The following MGAM variants were observed in gnomAD, a reference collection of about 807,000 sequenced individuals.
MGAM encodes the protein maltase-glucoamylase, also known as alpha-1,4-glucosidase.
In MGAM, 253 loss-of-function variants were observed where a neutral mutation model predicts 358.8. That is an observed-to-expected ratio of 0.71 (90% confidence interval 0.64 to 0.78). MGAM has a LOEUF of 0.78. MGAM is among the 30% of genes least tolerant of loss of function. The pLI is 0.00. For missense variants in MGAM, 3,080 were observed against 3,432.6 expected (o/e 0.90, Z 2.57); for synonymous variants, 1,105 against 1,227.1 (o/e 0.90, Z 2.08).
Position 142,056,936 on chromosome 7 carries a change from C to A in MGAM, c.3687C>A (p.Tyr1229Ter). 6.2e-7 allele frequency: 1 copy of A among 1,613,668 alleles called. No homozygotes were observed. The highest frequency in any genetic ancestry group is 8.5e-7 in the Non-Finnish European group (1 of 1,179,708). Residue 1229 changes from tyrosine to a stop codon, truncating the protein, a stop_gained, in exon 30 of 71, where the codon TAC (tyrosine) becomes TAA (stop). Transcript: ENST00000475668. LOFTEE classifies it high-confidence loss of function. ...CTCCAGAGCTTGTCACCCAGCAGTA[C>A]ACTGAGGTAGGGGGAAATCCAATTG... ...GPTPELVTQQYTELIGRPVMV... is the reference protein window; with the variant it reads ...GPTPELVTQQ
At chr7:142,030,534 C>T in intron 11 of MGAM, 41 bp downstream of exon 11, 2 of 1,612,156 alleles carry the variant, frequency 1.2e-6, no homozygotes, top group Non-Finnish European at 1.7e-6. Flanking sequence ...GTATTTGCTC[C>T]TCCGTATCAT....
chr7:142,019,252 T>C lies in MGAM; in HGVS notation c.381T>C (p.Val127=), dbSNP rs1563116987. The change falls in exon 4 of 71, where the codon GTT becomes GTC. Residue 127 remains valine (V), a synonymous_variant. Coordinates refer to ENST00000475668, the MANE Select transcript of MGAM (RefSeq NM_001365693.1). ...CCWNPQGAVS[V]PWCYYSKNHS... ...GGAATCCCCAGGGAGCTGTAAGTGT[T>C]CCCTGGTGCTACTATTCCAAGAATC... 1.2e-6 allele frequency: 2 copies of C among 1,613,732 alleles called. No individual in the cohort carries two copies. The highest frequency in any genetic ancestry group is 8.5e-7 in the Non-Finnish European group (1 of 1,179,706).
At chr7:142,054,504 A>C (rs1419386080) in intron 26 of MGAM, among the ~76,000 whole-genome samples, 1 of 152,172 alleles carries the variant, frequency 6.6e-6, no homozygotes, top group Non-Finnish European at 1.5e-5. Flanking sequence ...CACTGATTCC[A>C]GAATGATTTT....
intron 4 of MGAM, 66 bp from the exon 5 acceptor site, chr7:142,020,908 T>A (rs1247987262): frequency 1.3e-5 from 15 of 1,143,748 alleles, no homozygotes; most frequent in Non-Finnish European, 2.0e-5. Flanking sequence ...ATCATAATTT[T>A]TATGTAGCTA....
chr7:142,057,780 C>T (rs1811703944), intron 30 of MGAM, among the ~76,000 whole-genome samples: 1 of 152,242 alleles, frequency 6.6e-6, no homozygotes, highest in East Asian at 1.9e-4. Flanking sequence ...CACATATTAA[C>T]TCATTCATGC....
chr7:142,095,805 T>C (rs1013154944), intron 64 of MGAM, 92 bp downstream of exon 64: 1 of 1,558,018 alleles, frequency 6.4e-7, no homozygotes, highest in African/African-American at 1.4e-5. Context: ...AAGACATGAT[T>C]GCCTTTTGAC....
intron 22 of MGAM, among the ~76,000 whole-genome samples, chr7:142,049,575 A>T (rs1457740179): frequency 1.3e-5 from 2 of 152,198 alleles, no homozygotes; most frequent in Non-Finnish European, 2.9e-5. Flanking sequence ...AATATAAAAA[A>T]ATAAGGAACT....
At chr7:142,044,223 GACATA>G in intron 21 of MGAM, among the ~76,000 whole-genome samples, 1 of 52,510 alleles carries the variant, frequency 1.9e-5, no homozygotes, top group South Asian at 6.7e-4. Context: ...ATACACATAC[GACATA>G]TAATATATAC....
At position 142,084,376 on chromosome 7, in the gene MGAM, C is replaced by T. The variant is rs1221303264; in HGVS notation, c.6382-143C>T. ...AAGCTTTCTCCAAGTATCCTAGTGG[C>T]TCTATATCCTGTCAGTTTTGATGTG... On this transcript the variant is annotated intron_variant, in intron 53 of 70. Coordinates refer to ENST00000475668, the MANE Select transcript of MGAM (RefSeq NM_001365693.1). The T allele has an allele frequency of 3.6e-5, 36 of 1,009,016 alleles. 1 individual carries two copies. Among genetic ancestry groups the T allele is most frequent in the Non-Finnish European group, 4.6e-5 (32 of 691,738 alleles). The allele number at this position is 1,009,016 out of a possible 1,614,324, so 62.5% of individuals were successfully genotyped here. A position where few individuals can be genotyped will look rare whatever the true frequency, so the allele number is the denominator to read the frequency against.
rs922463721 is a variant in MGAM, at chr7:142,092,692, G to A, written c.7033+84G>A. Reference sequence around the variant, plus strand: ...GAGGAGCCCGAGGCCAGGGGTGGCCGCACAGCTCAGGGCACATCCTCATGG... The same window carrying A: ...GAGGAGCCCGAGGCCAGGGGTGGCCACACAGCTCAGGGCACATCCTCATGG... On this transcript the variant is annotated intron_variant, in intron 59 of 70. Transcript: ENST00000475668. 1.4e-5 allele frequency: 17 copies of A among 1,235,314 alleles called. 3 individuals are homozygous for A. The highest frequency in any genetic ancestry group is 2.9e-5 in the African/African-American group (2 of 70,158). 76.5% of individuals were successfully genotyped at this position (1,235,314 alleles called of 1,614,324 possible).
rs781795918 is a variant in MGAM at position 142,008,489 on chromosome 7, G to A, written c.128-17G>A. The stretch of plus-strand genomic sequence containing the variant: ...TAAATTTGTCTAATGGTCTTTTTAT[G>A]TTTGCTTTTGGTATAGCCCCAGATC... On this transcript the variant is annotated splice_polypyrimidine_tract_variant and intron_variant, in intron 2 of 70. Transcript: ENST00000475668. 1.1e-5 allele frequency: 18 copies of A among 1,590,962 alleles called. No individual in the cohort carries two copies. The Middle Eastern group carries it at 1.7e-3, about 152-fold the overall frequency.
chr7:142,088,378 C>T (rs1425448957), intron 57 of MGAM, among the ~76,000 whole-genome samples: 3 of 145,796 alleles, frequency 2.1e-5, no homozygotes, highest in Non-Finnish European at 4.7e-5. Flanking sequence ...GGCTGTTTTC[C>T]TTATGTCTAC....
chr7:142,081,968 C>T, intron 50 of MGAM, 74 bp from the exon 51 acceptor site: 1 of 1,407,332 alleles, frequency 7.1e-7, no homozygotes, highest in Non-Finnish European at 1.0e-6. Flanking sequence ...GTTCTGTTGT[C>T]CTTGAAAAGT....
At chr7:142,019,861 G>A (rs1444190226) in intron 4 of MGAM, among the ~76,000 whole-genome samples, 3 of 152,146 alleles carry the variant, frequency 2.0e-5, no homozygotes, top group Admixed American at 6.5e-5. Flanking sequence ...CTGAGCTCAG[G>A]AGTTTGAGAC....
chr7:142,025,545 G>T (rs1554460646), intron 8 of MGAM, among the ~76,000 whole-genome samples: 1 of 152,160 alleles, frequency 6.6e-6, no homozygotes, highest in African/African-American at 2.4e-5. Context: ...AATCTCCCAG[G>T]ATTGATGGTG....
chr7:142,095,112 A>T (rs914849669), intron 63 of MGAM, among the ~76,000 whole-genome samples: 1 of 152,132 alleles, frequency 6.6e-6, no homozygotes, highest in African/African-American at 2.4e-5. Flanking sequence ...GACTACAGGC[A>T]CATACCAACG....
Position 142,095,627 on chromosome 7 carries a change from C to G in MGAM, c.7521C>G (p.Thr2507=), listed in dbSNP as rs754757315. 1 of 1,613,846 alleles carries G rather than the reference C, an allele frequency of 6.2e-7. No homozygotes were observed. Among genetic ancestry groups the G allele is most frequent in the African/African-American group, 1.3e-5 (1 of 75,046 alleles). The change falls in exon 64 of 71, where the codon ACC becomes ACG. Residue 2507 remains threonine, a synonymous_variant. Transcript: ENST00000475668. ...ATATTTCCAGAACTGTCCTGCAGAC[C>G]AGATACACCCTGTTGCCATATCTGT... ...FVNISRTVLQ[T]RYTLLPYLYT...
chr7:142,080,728 T>A (rs1230664615), intron 49 of MGAM, 63 bp from the exon 50 acceptor site: 1 of 1,364,064 alleles, frequency 7.3e-7, no homozygotes, highest in Non-Finnish European at 1.0e-6. Flanking sequence ...TCAAAAAGGT[T>A]CTGCTAAGGG....
intron 8 of MGAM, 112 bp from the exon 9 acceptor site, chr7:142,027,003 G>T: frequency 1.3e-6 from 1 of 787,516 alleles, no homozygotes; most frequent in Non-Finnish European, 2.1e-6. Flanking sequence ...GAGGCACTAG[G>T]GTCACCTTGT....
Sources: allele counts gnomAD v4.1 joint callset (sites outside exome capture counted in the v4.1 genomes callset), GRCh38; gene constraint gnomAD v4.1.1; transcripts MANE v1.5; gene names NCBI Gene and HGNC (gene_info 2026-07-23, HGNC 2026-07-21).